The following PDLIM4 variants were observed in gnomAD, a reference collection of about 807,000 sequenced individuals.
The protein encoded by PDLIM4 is PDZ and LIM domain 4, also known as PDZ and LIM domain protein 4.
In PDLIM4, 19 loss-of-function variants were observed where a neutral mutation model predicts 31.3. The ratio of observed to expected loss-of-function variants is 0.61; its 90% confidence interval spans 0.42 to 0.89. The LOEUF is 0.89. Among genes scored for constraint, PDLIM4 ranks in the 40% least tolerant of loss-of-function variants. PDLIM4 has a pLI of 0.00. For missense variants in PDLIM4, 442 were observed against 461.1 expected (o/e 0.96, Z 0.38); for synonymous variants, 176 against 190.1 (o/e 0.93, Z 0.61).
intron 2 of PDLIM4, among the ~76,000 whole-genome samples, chr5:132,265,179 G>C (rs1484568394): frequency 6.6e-6 from 1 of 152,190 alleles, no homozygotes; most frequent in African/African-American, 2.4e-5. Context: ...GCCTGGGATG[G>C]GGGTTGACAC....
chr5:132,263,172 C>G (rs547017692), intron 2 of PDLIM4, among the ~76,000 whole-genome samples: 2 of 152,170 alleles, frequency 1.3e-5, no homozygotes, highest in Non-Finnish European at 2.9e-5. Flanking sequence ...CTACTATAGT[C>G]CCCACTTCAC....
chr5:132,257,839 G>C lies in PDLIM4; in HGVS notation c.93+12G>C. On this transcript the variant is annotated intron_variant, in intron 1 of 6. Coordinates refer to ENST00000253754, the MANE Select transcript of PDLIM4 (RefSeq NM_003687.4). This position sits in a 1 kb window ranked among gnomAD's most constrained non-coding sequence, Gnocchi z 4.3. ...TCACCATCTCACGGGTGAGTCTGGCGGCTGCGTGGCGGCAGGGCGGTCCCA... is the reference window on the plus strand; with the variant it reads ...TCACCATCTCACGGGTGAGTCTGGCCGCTGCGTGGCGGCAGGGCGGTCCCA... The C allele has an allele frequency of 2.8e-6, 4 of 1,442,964 alleles. No homozygotes were observed. The highest frequency in any genetic ancestry group is 3.7e-6 in the Non-Finnish European group (4 of 1,089,300). The allele number at this position is 1,442,964 out of a possible 1,614,324, so 89.4% of individuals were successfully genotyped here.
intron 2 of PDLIM4, among the ~76,000 whole-genome samples, chr5:132,266,168 G>A (rs1377581171): frequency 6.6e-6 from 1 of 152,224 alleles, no homozygotes; most frequent in African/African-American, 2.4e-5. Flanking sequence ...AGGCCACGAA[G>A]AGGGTGGAAG....
At position 132,273,198 on chromosome 5, in the gene PDLIM4, A is replaced by T. The variant is rs746161982; in HGVS notation, c.*969A>T. On this transcript the variant is annotated 3_prime_UTR_variant, in exon 7 of 7. Transcript: ENST00000253754. ...GTGTCCTAGACTCCGGGTCGCGTGGATCTACCCTCTAGTTTACTTGCTCGG... is the reference window on the plus strand; with the variant it reads ...GTGTCCTAGACTCCGGGTCGCGTGGTTCTACCCTCTAGTTTACTTGCTCGG... 1 of 152,262 alleles carries T rather than the reference A, an allele frequency of 6.6e-6. No homozygotes were observed. Among genetic ancestry groups the T allele is most frequent in the Non-Finnish European group, 1.5e-5 (1 of 68,030 alleles). 9.4% of individuals were successfully genotyped at this position (152,262 alleles called of 1,614,324 possible).
intron 3 of PDLIM4, among the ~76,000 whole-genome samples, chr5:132,269,948 G>A (rs945615954): frequency 2.0e-5 from 3 of 152,074 alleles, no homozygotes; most frequent in African/African-American, 4.8e-5. Context: ...TGTATGTAGG[G>A]AGATTGGTAG....
chr5:132,271,538 C>G (rs1469186629), intron 5 of PDLIM4, 72 bp downstream of exon 5: 1 of 1,467,704 alleles, frequency 6.8e-7, no homozygotes, highest in Admixed American at 1.7e-5. Flanking sequence ...CCTAGCGACC[C>G]CACGTCCCGC....
At chr5:132,270,131 CACACAGAGAT>C (rs1205230645) in intron 3 of PDLIM4, among the ~76,000 whole-genome samples, 1 of 152,222 alleles carries the variant, frequency 6.6e-6, no homozygotes, top group Admixed American at 6.5e-5. Flanking sequence ...CAGACCCCCA[CACACAGAGAT>C]ACTGCCCTCT....
In PDLIM4 at chr5:132,272,435, A is replaced by G. The variant is rs542621441; in HGVS notation, c.*206A>G. On this transcript the variant is annotated 3_prime_UTR_variant, in exon 7 of 7. Transcript: ENST00000253754. The stretch of plus-strand genomic sequence containing the variant: ...GCATGTCCTAGGCTCTGGGTGCAGT[A>G]GTGAGCAGGACGGGTACCATGCTGC... The G allele has an allele frequency of 1.7e-4, 102 of 599,930 alleles. 1 individual carries two copies. In the East Asian group the frequency reaches 2.7e-3, roughly 16 times the overall value. The allele number at this position is 599,930 out of a possible 1,614,324, so 37.2% of individuals were successfully genotyped here.
chr5:132,269,612 C>A (rs1241387734), intron 3 of PDLIM4, among the ~76,000 whole-genome samples: 1 of 151,926 alleles, frequency 6.6e-6, no homozygotes, highest in Non-Finnish European at 1.5e-5. Flanking sequence ...TCCCACCCTA[C>A]AAAAAGCAGG....
In PDLIM4 at chr5:132,262,676, G is replaced by A. The variant is rs1386436216; in HGVS notation, c.161G>A (p.Gly54Asp). 1.2e-6 allele frequency: 2 copies of A among 1,613,238 alleles called. No individual in the cohort carries two copies. The highest frequency in any genetic ancestry group is 1.1e-5 in the South Asian group (1 of 90,784). Residue 54 changes from glycine to aspartate, a missense_variant, in exon 2 of 7, where the codon GGT becomes GAT. Transcript: ENST00000253754. ...GGAGACCTGATCCAGGCCATCAATG[G>A]TGAGAGCACAGAGCTCATGACACAC... is the stretch of plus-strand genomic sequence containing the variant. ...CPGDLIQAIN[G>D]ESTELMTHLE...
At chr5:132,260,049 A>G (rs915641670) in intron 1 of PDLIM4, among the ~76,000 whole-genome samples, 7 of 152,328 alleles carry the variant, frequency 4.6e-5, no homozygotes, top group Non-Finnish European at 8.8e-5. Context: ...CTGGCCTTAC[A>G]TAGATGGAGA....
In PDLIM4 at chr5:132,272,138, A is replaced by G; in HGVS notation, c.902A>G (p.Tyr301Cys). Reference sequence around the variant, plus strand: ...TACTTCTTTCTGGACGAGCGGCTCTACTGTGAGAGCCACGCCAAGGCGCGC... The same window carrying G: ...TACTTCTTTCTGGACGAGCGGCTCTGCTGTGAGAGCCACGCCAAGGCGCGC... ...RGYFFLDERL[Y>C]CESHAKARVK... Residue 301 changes from tyrosine to cysteine, a missense_variant, in exon 7 of 7, where the codon TAC becomes TGC. Physicochemically the swap from Tyr to Cys is radical, Grantham distance 194. Coordinates refer to ENST00000253754, the MANE Select transcript of PDLIM4 (RefSeq NM_003687.4). The G allele has an allele frequency of 6.2e-7, 1 of 1,614,134 alleles. No individual in the cohort carries two copies. The highest frequency in any genetic ancestry group is 8.5e-7 in the Non-Finnish European group (1 of 1,179,942).
At chr5:132,269,353 C>T (rs1203731999) in intron 3 of PDLIM4, among the ~76,000 whole-genome samples, 4 of 151,656 alleles carry the variant, frequency 2.6e-5, no homozygotes, top group African/African-American at 9.7e-5. Flanking sequence ...TGAGCCCCAC[C>T]CCCACTGGCC....
chr5:132,260,983 G>A (rs1452235577), intron 1 of PDLIM4, among the ~76,000 whole-genome samples: 1 of 152,194 alleles, frequency 6.6e-6, no homozygotes, highest in Non-Finnish European at 1.5e-5. Flanking sequence ...CCTGAAGAAA[G>A]ACTCCTCTCC....
rs767622316 is a variant in PDLIM4, at chr5:132,271,382, G to C, written c.586G>C (p.Glu196Gln). The C allele has an allele frequency of 2.5e-6, 4 of 1,606,882 alleles. No homozygotes were observed. The African/African-American group carries it at 5.3e-5, about 21-fold the overall frequency. ...CTCCGAGGTGTACAGGATGCTGCGG[G>C]AGCCAGCCGAGCCCGTGGCCGCGGA... ...LGSEVYRMLR[E>Q]PAEPVAAEPK... Residue 196 changes from glutamate to glutamine, a missense_variant, in exon 5 of 7, where the codon GAG becomes CAG. Coordinates refer to ENST00000253754, the MANE Select transcript of PDLIM4 (RefSeq NM_003687.4).
chr5:132,272,334 C>A lies in PDLIM4; in HGVS notation c.*105C>A. ...AAAGCTCCTCTGCTCCACCTTGAAC[C>A]TGTCACCTGGCCTGCCACCCTCCTG... On this transcript the variant is annotated 3_prime_UTR_variant, in exon 7 of 7. Coordinates refer to ENST00000253754, the MANE Select transcript of PDLIM4 (RefSeq NM_003687.4). The A allele has an allele frequency of 1.0e-6, 1 of 959,100 alleles. No homozygotes were observed. Among genetic ancestry groups the A allele is most frequent in the Non-Finnish European group, 1.6e-6 (1 of 621,466 alleles). 59.4% of individuals were successfully genotyped at this position (959,100 alleles called of 1,614,324 possible).
At position 132,272,020 on chromosome 5, in the gene PDLIM4, A is replaced by T. The variant is rs1360196533; in HGVS notation, c.789-5A>T. 6.2e-7 allele frequency: 1 copy of T among 1,613,552 alleles called. No homozygotes were observed. The highest frequency in any genetic ancestry group is 8.5e-7 in the Non-Finnish European group (1 of 1,179,600). ...GACGCTGTCCTGTCTCGTTCCCCCC[A>T]TCAGGGGCACCATCGTCAAGGCACG... is the stretch of plus-strand genomic sequence containing the variant. On this transcript the variant is annotated splice_polypyrimidine_tract_variant and splice_region_variant and intron_variant, in intron 6 of 6. Transcript: ENST00000253754.
chr5:132,269,486 C>CTGT, intron 3 of PDLIM4, among the ~76,000 whole-genome samples: 1 of 151,438 alleles, frequency 6.6e-6, no homozygotes, highest in South Asian at 2.2e-4. Flanking sequence ...AGGGGTTTTC[C>CTGT]TGTTGCTGCT....
rs910026254 is a variant in PDLIM4 at position 132,264,649 on chromosome 5, A to G, written c.246-1815A>G. On this transcript the variant is annotated intron_variant, in intron 2 of 6. Transcript: ENST00000253754. ...GAGGGCCACCTTGACTTTCTGAGCCAACATTTCTTCTCCTGGACACTTGCC... is the reference window on the plus strand; with the variant it reads ...GAGGGCCACCTTGACTTTCTGAGCCGACATTTCTTCTCCTGGACACTTGCC... Among the ~76,000 whole-genome samples the G allele has an allele frequency of 2.0e-5, 3 of 152,178 alleles. No homozygotes were observed. The East Asian group carries it at 5.8e-4, about 29-fold the overall frequency.
Sources: gnomAD v4.1 joint callset for allele counts (sites outside exome capture counted in the v4.1 genomes callset) on GRCh38, gnomAD v4.1.1 for gene constraint, Gnocchi (gnomAD v3.1) non-coding constraint, MANE v1.5 for transcripts, NCBI Gene and HGNC (gene_info 2026-07-23, HGNC 2026-07-21) for gene names.